Variants in CDH18 observed in about 807,000 individuals in gnomAD.
CDH18 encodes cadherin 18.
In CDH18, 31 loss-of-function variants were observed where a neutral mutation model predicts 67.9. The ratio of observed to expected loss-of-function variants is 0.46; its 90% CI spans 0.34 to 0.62. The LOEUF is 0.62. CDH18 is among the 20% of genes least tolerant of loss of function. The probability of loss-of-function intolerance (pLI) is 0.01; values close to 1 mark genes in which losing one functional copy is unlikely to be tolerated. For missense variants in CDH18, 890 were observed against 975.5 expected (o/e 0.91, Z 1.17); for synonymous variants, 362 against 347.2 (o/e 1.04, Z -0.48).
intron 3 of CDH18, among the ~76,000 whole-genome samples, chr5:19,755,450 T>TAC (rs1473558704): frequency 1.4e-3 from 11 of 7,830 alleles, no homozygotes; most frequent in African/African-American, 1.7e-3. Context: ...TATATATATA[T>TAC]ATATATATAC....
At position 20,262,014 on chromosome 5, in the gene CDH18, A is replaced by T. The variant is rs1744694890; in HGVS notation, c.-579-6509T>A. On this transcript the variant is annotated intron_variant, in intron 1 of 14. Transcript: ENST00000507958. ...ACTTTCAACCTAAAAATGATAATTCAGATTGTATTGACTGAATAGCATTGG... is the reference window on the plus strand; with the variant it reads ...ACTTTCAACCTAAAAATGATAATTCTGATTGTATTGACTGAATAGCATTGG... 2.0e-5 allele frequency among the ~76,000 whole-genome samples: 3 copies of T among 152,246 alleles called. No homozygotes were observed. In the South Asian group the frequency reaches 6.2e-4, roughly 31 times the overall value.
chr5:19,492,078 T>A lies in CDH18; in HGVS notation c.1631-8526A>T, dbSNP rs536050450. On this transcript the variant is annotated intron_variant, in intron 11 of 12. Coordinates refer to ENST00000382275, the MANE Select transcript of CDH18 (RefSeq NM_004934.5). ...CTGATAGCAAATCATCAAAAAAAAA[T>A]AAGCATTTTCAAATGTAAAAGACAA... 4.6e-5 allele frequency among the ~76,000 whole-genome samples: 7 copies of A among 151,694 alleles called. 1 individual carries two copies. The East Asian group carries it at 1.4e-3, about 30-fold the overall frequency.
At chr5:19,721,228 G>T in intron 5 of CDH18, 119 bp downstream of exon 5, 10 of 970,704 alleles carry the variant, frequency 1.0e-5, no homozygotes, top group Non-Finnish European at 1.5e-5. Context: ...GTGAGGATAT[G>T]TTTAAAATAT....
chr5:20,391,104 T>G (rs1315927414), intron 1 of CDH18, among the ~76,000 whole-genome samples: 4 of 151,950 alleles, frequency 2.6e-5, no homozygotes, highest in Non-Finnish European at 5.9e-5. Context: ...CTGCACGTTA[T>G]GCACATGTAC....
At chr5:19,891,200 T>C (rs537978513) in intron 2 of CDH18, among the ~76,000 whole-genome samples, 1 of 152,302 alleles carries the variant, frequency 6.6e-6, no homozygotes, top group African/African-American at 2.4e-5. Context: ...AGAATCTTTC[T>C]ATCTCGTTCA....
At chr5:20,354,515 C>T (rs62352792) in intron 1 of CDH18, among the ~76,000 whole-genome samples, 63,418 of 151,998 alleles carry the variant, frequency 0.42, 15,318 homozygotes, top group Middle Eastern at 0.62. Flanking sequence ...TCTGGGCTCA[C>T]ACGATCCTCC....
In CDH18 at chr5:20,500,351, T is replaced by C. The variant is rs536356982; in HGVS notation, c.-580+75111A>G. On this transcript the variant is annotated intron_variant, in intron 1 of 14. Coordinates refer to the CDH18 transcript ENST00000507958. ...GCTTTTGATGCTCATCTGAAACTGA[T>C]TGACTTGCACATCCTTCTAACAAAT... 5.9e-5 allele frequency among the ~76,000 whole-genome samples: 9 copies of C among 152,296 alleles called. No individual in the cohort carries two copies. In the East Asian group the frequency reaches 1.5e-3, roughly 26 times the overall value.
At chr5:19,699,622 G>GTGTGTGTGTGTGTGTGTC (rs1182738952) in intron 5 of CDH18, among the ~76,000 whole-genome samples, 19 of 115,834 alleles carry the variant, frequency 1.6e-4, no homozygotes, top group Non-Finnish European at 2.1e-4. Flanking sequence ...ATGTGTGTGT[G>GTGTGTGTGTGTGTGTGTC]TGTGTGTGTG....
intron 2 of CDH18, among the ~76,000 whole-genome samples, chr5:20,029,002 T>C (rs1263058808): frequency 1.3e-5 from 2 of 152,216 alleles, no homozygotes; most frequent in African/African-American, 4.8e-5. Context: ...GTTTCCATTT[T>C]CCTGTTATAT....
chr5:19,602,227 C>T (rs968911123), intron 6 of CDH18, among the ~76,000 whole-genome samples: 20 of 151,836 alleles, frequency 1.3e-4, no homozygotes, highest in African/African-American at 4.8e-4. Context: ...ACAGACACAC[C>T]CCCACATACA....
At chr5:20,500,826 A>C (rs73062627) in intron 1 of CDH18, among the ~76,000 whole-genome samples, 3,811 of 152,262 alleles carry the variant, frequency 0.025, 148 homozygotes, top group African/African-American at 0.087. Context: ...CTAAAACATA[A>C]GCCCAAGTTA....
intron 6 of CDH18, among the ~76,000 whole-genome samples, chr5:19,605,430 C>G (rs990320958): frequency 6.6e-6 from 1 of 151,774 alleles, no homozygotes; most frequent in Non-Finnish European, 1.5e-5. Flanking sequence ...TAATATTACT[C>G]ATTTAAAGTT....
At chr5:19,959,043 T>A (rs575520057) in intron 2 of CDH18, among the ~76,000 whole-genome samples, 3 of 152,208 alleles carry the variant, frequency 2.0e-5, no homozygotes, top group Admixed American at 2.0e-4. Context: ...GTAAACGTTT[T>A]TTAAAATATA....
chr5:19,520,143 C>T (rs554783301), intron 10 of CDH18, among the ~76,000 whole-genome samples: 1 of 152,154 alleles, frequency 6.6e-6, no homozygotes, highest in African/African-American at 2.4e-5. Context: ...ATGCACATGA[C>T]ATCCAGCCTC....
Position 19,473,189 on chromosome 5 carries a change from A to G in CDH18, c.*37T>C, listed in dbSNP as rs764922715. ...GCTGAGGTTGTATATCCACTTACTCAGGAAGCAAATTCCACAAGGTTGCAA... is the reference window on the plus strand; with the variant it reads ...GCTGAGGTTGTATATCCACTTACTCGGGAAGCAAATTCCACAAGGTTGCAA... On this transcript the variant is annotated 3_prime_UTR_variant, in exon 13 of 13. Coordinates refer to ENST00000382275, the MANE Select transcript of CDH18 (RefSeq NM_004934.5). The G allele has an allele frequency of 8.8e-6, 14 of 1,595,862 alleles. No individual in the cohort carries two copies. Among genetic ancestry groups the G allele is most frequent in the Non-Finnish European group, 1.1e-5 (13 of 1,169,792 alleles).
At chr5:20,343,284 C>T (rs571519988) in intron 1 of CDH18, among the ~76,000 whole-genome samples, 17 of 152,124 alleles carry the variant, frequency 1.1e-4, no homozygotes, top group Non-Finnish European at 2.2e-4. Flanking sequence ...TACTGCATTC[C>T]TACATACATT....
At chr5:19,678,727 T>C (rs985294913) in intron 5 of CDH18, among the ~76,000 whole-genome samples, 1 of 151,826 alleles carries the variant, frequency 6.6e-6, no homozygotes, top group Non-Finnish European at 1.5e-5. Flanking sequence ...CCTGGAAACC[T>C]ACAACCTCCC....
chr5:19,706,481 T>A (rs1387472981), intron 5 of CDH18, among the ~76,000 whole-genome samples: 1 of 152,224 alleles, frequency 6.6e-6, no homozygotes, highest in Admixed American at 6.5e-5. Flanking sequence ...GAGGAGTTAA[T>A]CCTTGAGGAT....
intron 1 of CDH18, among the ~76,000 whole-genome samples, chr5:20,446,156 G>A (rs1280800663): frequency 2.6e-5 from 4 of 152,060 alleles, no homozygotes; most frequent in Non-Finnish European, 5.9e-5. Flanking sequence ...GGGTCAACTC[G>A]AAGATACAGT....
Sources: gnomAD v4.1 joint callset for allele counts (sites outside exome capture counted in the v4.1 genomes callset) on GRCh38, gnomAD v4.1.1 for gene constraint, MANE v1.5 for transcripts, NCBI Gene and HGNC (gene_info 2026-07-23, HGNC 2026-07-21) for gene names.